RMST: variants seen among roughly 807,000 people sequenced by gnomAD.
The protein encoded by RMST is long intergenic non-protein coding RNA 54.
At chr12:97,541,071 T>G (rs1444174554) in intron 11 of RMST, 1 of 151,560 alleles carries the variant, frequency 6.6e-6, no homozygotes, top group Non-Finnish European at 1.5e-5. Context: ...AGGACAAAAT[T>G]AAATATCTGG....
chr12:97,552,690 C>G (rs1253386742), intron 11 of RMST, among the ~76,000 whole-genome samples: 1 of 152,170 alleles, frequency 6.6e-6, no homozygotes, highest in Non-Finnish European at 1.5e-5. Flanking sequence ...CACCTAAATC[C>G]CTTTCTATTT....
chr12:97,543,255 C>T (rs574940649), intron 11 of RMST, among the ~76,000 whole-genome samples: 9 of 152,084 alleles, frequency 5.9e-5, no homozygotes, highest in South Asian at 2.1e-4. Context: ...AAGCAGGGCC[C>T]GCACCAAGCC....
chr12:97,535,281 C>T (rs565514292), intron 11 of RMST, among the ~76,000 whole-genome samples: 24 of 151,688 alleles, frequency 1.6e-4, no homozygotes, highest in African/African-American at 4.3e-4. Flanking sequence ...CCTAATATAG[C>T]GTAGTGGTCT....
At chr12:97,524,077 A>G (rs200975375) in intron 10 of RMST, among the ~76,000 whole-genome samples, 6,022 of 29,918 alleles carry the variant, frequency 0.2, 430 homozygotes, top group Middle Eastern at 0.32. Flanking sequence ...CTCTGTCTCA[A>G]AAAAAAAAAA....
intron 11 of RMST, among the ~76,000 whole-genome samples, chr12:97,540,150 C>A (rs2136618126): frequency 6.6e-6 from 1 of 151,744 alleles, no homozygotes; most frequent in African/African-American, 2.4e-5. Context: ...CTTTGTTAAC[C>A]TTCTGTCTAA....
intron 10 of RMST, among the ~76,000 whole-genome samples, chr12:97,525,690 C>G: frequency 6.6e-6 from 1 of 152,046 alleles, no homozygotes; most frequent in South Asian, 2.1e-4. Context: ...CATAAATAAA[C>G]AGTATATGCA....
chr12:97,535,763 T>G (rs1235180232), intron 11 of RMST, among the ~76,000 whole-genome samples: 3 of 151,574 alleles, frequency 2.0e-5, no homozygotes, highest in Non-Finnish European at 4.4e-5. Flanking sequence ...ACTCAGGAAC[T>G]ACGATGAGGT....
intron 5 of RMST, among the ~76,000 whole-genome samples, chr12:97,472,890 A>G (rs1272085933): frequency 6.6e-6 from 1 of 152,082 alleles, no homozygotes; most frequent in African/African-American, 2.4e-5. Flanking sequence ...CAATCATTCA[A>G]TTGGCTTTTT....
At chr12:97,553,949 C>CT (rs756008010) in intron 11 of RMST, among the ~76,000 whole-genome samples, 1,610 of 120,268 alleles carry the variant, frequency 0.013, 31 homozygotes, top group African/African-American at 0.034. Flanking sequence ...TTTTCTTTCT[C>CT]TTTTTTTTTT....
rs1160705441 is a variant in RMST, at chr12:97,480,074, TTTC to T, written n.645-12384_645-12382del. 8.0e-4 allele frequency among the ~76,000 whole-genome samples: 119 copies of T among 148,484 alleles called. 1 individual carries two copies. Among genetic ancestry groups the T allele is most frequent in the Non-Finnish European group, 1.3e-3 (85 of 67,314 alleles). On this transcript the variant is annotated intron_variant and non_coding_transcript_variant, in intron 5 of 13. Transcript: ENST00000640149. Reference sequence around the variant, plus strand: ...CAGGAACTGCTAATTTTTCTTTTCTTTTCTTTTCTTTTTTCTTTTTTTTTCTTT... The same window carrying T: ...CAGGAACTGCTAATTTTTCTTTTCTTTTTTCTTTTTTCTTTTTTTTTCTTT...
chr12:97,552,037 A>G (rs1883345882), intron 11 of RMST: 1 of 152,216 alleles, frequency 6.6e-6, no homozygotes, highest in Non-Finnish European at 1.5e-5. Context: ...TGTTTAATCC[A>G]AAGAAGAGAA....
intron 10 of RMST, among the ~76,000 whole-genome samples, chr12:97,516,900 G>A (rs926612833): frequency 6.6e-6 from 1 of 151,942 alleles, no homozygotes; most frequent in African/African-American, 2.4e-5. Context: ...TGTATGGGAA[G>A]TAAATACCTA....
At chr12:97,500,129 G>A (rs1204300218) in intron 10 of RMST, among the ~76,000 whole-genome samples, 2 of 152,128 alleles carry the variant, frequency 1.3e-5, no homozygotes, top group Non-Finnish European at 2.9e-5. Flanking sequence ...CCCATGATAT[G>A]GCTGTCAATT....
chr12:97,475,635 G>A (rs920249357), intron 5 of RMST, among the ~76,000 whole-genome samples: 6 of 147,772 alleles, frequency 4.1e-5, no homozygotes, highest in Admixed American at 1.4e-4. Context: ...TTTTCACATG[G>A]ACTAAAGGCA....
In RMST at chr12:97,524,075, C is replaced by CAGAGAAAAAAAAAAAAA. The variant is rs57255256; in HGVS notation, n.1341-6579_1341-6578insGAGAAAAAAAAAAAAAA. ...TGGGCAACAGAGTGAGACTCTGTCT[C>CAGAGAAAAAAAAAAAAA]AAAAAAAAAAAAAAAAAAAAAAAAA... On this transcript the variant is annotated intron_variant and non_coding_transcript_variant, in intron 10 of 13. Coordinates refer to ENST00000640149, the Ensembl canonical transcript of RMST. Among the ~76,000 whole-genome samples the CAGAGAAAAAAAAAAAAA allele has an allele frequency of 5.3e-3, 296 of 56,122 alleles. 106 individuals carry two copies. Among genetic ancestry groups the CAGAGAAAAAAAAAAAAA allele is most frequent in the Middle Eastern group, 0.02 (2 of 100 alleles). The allele number at this position is 56,122 out of a possible 152,430, so 36.8% of individuals were successfully genotyped here.
intron 10 of RMST, among the ~76,000 whole-genome samples, chr12:97,512,928 C>G (rs932561221): frequency 9.8e-5 from 15 of 152,332 alleles, no homozygotes; most frequent in Admixed American, 8.5e-4. Context: ...GGAGCCCTGC[C>G]CAGCGGGAAG....
chr12:97,478,004 A>C lies in RMST; in HGVS notation n.644+12277A>C, dbSNP rs367578167. ...GCTGTGGTTATATCCTTCTAAGTGA[A>C]TAGAGCAGAAACAGAAATGAATTAT... On this transcript the variant is annotated intron_variant and non_coding_transcript_variant, in intron 5 of 13. Coordinates refer to ENST00000640149, the Ensembl canonical transcript of RMST. Among the ~76,000 whole-genome samples, 37 of 152,330 alleles carry C rather than the reference A, an allele frequency of 2.4e-4. No individual in the cohort carries two copies. The South Asian group carries it at 7.7e-3, about 32-fold the overall frequency.
chr12:97,470,995 T>C (rs1316938927), intron 5 of RMST, among the ~76,000 whole-genome samples: 2 of 152,154 alleles, frequency 1.3e-5, no homozygotes, highest in Non-Finnish European at 2.9e-5. Context: ...ATTTTATTTA[T>C]ATTTTTGCTT....
intron 10 of RMST, among the ~76,000 whole-genome samples, chr12:97,519,046 G>A (rs888727604): frequency 6.6e-6 from 1 of 152,090 alleles, no homozygotes; most frequent in Non-Finnish European, 1.5e-5. Context: ...CCAAAGTGTC[G>A]GGATTACAGG....
Sources: allele counts gnomAD v4.1 joint callset (sites outside exome capture counted in the v4.1 genomes callset), GRCh38; gene constraint gnomAD v4.1.1; transcripts MANE v1.5; gene names NCBI Gene and HGNC (gene_info 2026-07-23, HGNC 2026-07-21).